The following C5orf47 variants were observed in gnomAD, a reference collection of about 807,000 sequenced individuals.
C5orf47 encodes chromosome 5 open reading frame 47.
A neutral mutation model predicts 20.6 loss-of-function variants in C5orf47; 20 were observed. The ratio of observed to expected loss-of-function variants is 0.97; its 90% CI spans 0.68 to 1.41. The LOEUF (loss-of-function observed/expected upper bound fraction) is 1.41, where lower values mean the gene tolerates loss of function less well. C5orf47 is among the 40% of genes most tolerant of loss of function. C5orf47 has a pLI of 0.00. For synonymous variants in C5orf47, 106 were observed against 97.3 expected, an observed-to-expected ratio of 1.09 and a Z score of -0.53; for missense variants, 262 against 238.4, an observed-to-expected ratio of 1.10 and a Z score of -0.65.
chr5:174,003,159 T>C (rs1759229048), intron 4 of C5orf47, among the ~76,000 whole-genome samples: 1 of 152,106 alleles, frequency 6.6e-6, no homozygotes, highest in Admixed American at 6.6e-5. Flanking sequence ...ATAGAAAGAG[T>C]ATGCAAATAT....
chr5:173,995,305 AAC>A lies in C5orf47; in HGVS notation c.326-2847_326-2846del, dbSNP rs1455784787. Reference sequence around the variant, plus strand: ...TTAATTAATGAATAATGGAAATATAAACTAGTAGATATGAGTGTTGTAAGAGT... The same window carrying A: ...TTAATTAATGAATAATGGAAATATAATAGTAGATATGAGTGTTGTAAGAGT... On this transcript the variant is annotated intron_variant, in intron 1 of 4. Transcript: ENST00000340147. Among the ~76,000 whole-genome samples the A allele has an allele frequency of 2.6e-4, 39 of 152,312 alleles. 1 individual carries two copies. Among genetic ancestry groups the A allele is most frequent in the African/African-American group, 9.1e-4 (38 of 41,574 alleles).
intron 1 of C5orf47, among the ~76,000 whole-genome samples, chr5:173,990,173 T>C (rs1357928508): frequency 6.7e-6 from 1 of 150,162 alleles, no homozygotes; most frequent in East Asian, 2.0e-4. Context: ...TCACTCAGGC[T>C]GGAGTGTGGT....
At chr5:173,989,630 G>T in intron 1 of C5orf47, 42 bp downstream of exon 1, 1 of 1,359,928 alleles carries the variant, frequency 7.4e-7, no homozygotes, top group Non-Finnish European at 9.5e-7. Flanking sequence ...CGGCGGGGCG[G>T]GACGGGGCGG....
intron 1 of C5orf47, among the ~76,000 whole-genome samples, chr5:173,995,036 C>T (rs1002344338): frequency 6.6e-6 from 1 of 152,172 alleles, no homozygotes; most frequent in African/African-American, 2.4e-5. Flanking sequence ...TGGTCTTGAA[C>T]TCCTGAGCTC....
At chr5:174,008,062 G>T (rs1168155456), downstream of C5orf47, among the ~76,000 whole-genome samples, 1 of 152,170 alleles carries the variant, frequency 6.6e-6, no homozygotes, top group African/African-American at 2.4e-5. Context: ...TCAGGGACCT[G>T]CCTGGATTTT....
At chr5:174,007,133 A>G (rs933745769), downstream of C5orf47, among the ~76,000 whole-genome samples, 32 of 152,212 alleles carry the variant, frequency 2.1e-4, no homozygotes, top group African/African-American at 7.2e-4. Flanking sequence ...GAATTGATAT[A>G]CCTGGCAGTT....
intron 1 of C5orf47, among the ~76,000 whole-genome samples, chr5:173,997,239 GAT>G (rs1230065506): frequency 1.3e-5 from 2 of 152,158 alleles, no homozygotes; most frequent in African/African-American, 4.8e-5. Context: ...GAAAGTGAGA[GAT>G]AGAGTGGTGG....
chr5:173,994,129 T>G (rs1157357125), intron 1 of C5orf47, among the ~76,000 whole-genome samples: 4 of 152,186 alleles, frequency 2.6e-5, no homozygotes. Flanking sequence ...TGTGGCCCAA[T>G]TTGTGCAACT....
In C5orf47 at chr5:173,989,309, G is replaced by T; in HGVS notation, c.46G>T (p.Val16Phe). ...RGREQDSARF[V>F]YVTRFGSHQC... ...TCGGGAGCAGGACTCGGCGCGCTTC[G>T]TCTATGTGACGCGCTTCGGCTCGCA... is the stretch of plus-strand genomic sequence containing the variant. The change falls in exon 1 of 5, where the codon GTC (valine) becomes TTC (phenylalanine). Residue 16 changes from valine (V) to phenylalanine (F), a missense_variant. By Grantham distance (50) the Val-to-Phe change is conservative. Transcript: ENST00000340147. The T allele has an allele frequency of 7.1e-7, 1 of 1,408,456 alleles. No individual in the cohort carries two copies. The highest frequency in any genetic ancestry group is 9.3e-7 in the Non-Finnish European group (1 of 1,075,470). The allele number at this position is 1,408,456 out of a possible 1,614,324, so 87.2% of individuals were successfully genotyped here.
chr5:174,005,451 A>T lies in C5orf47; in HGVS notation c.*1197A>T, dbSNP rs893274526. ...ACAGTGTAGAATTTGTGGTAACATG[A>T]TCTTCTAGTGACTATTTATCAAATC... On this transcript the variant is annotated 3_prime_UTR_variant, in exon 5 of 5. Transcript: ENST00000340147. The T allele has an allele frequency of 1.3e-5, 2 of 152,286 alleles. No homozygotes were observed. The highest frequency in any genetic ancestry group is 2.9e-5 in the Non-Finnish European group (2 of 68,018). The allele number at this position is 152,286 out of a possible 1,614,324, so 9.4% of individuals were successfully genotyped here. A position where few individuals can be genotyped will look rare whatever the true frequency, so the allele number is the denominator to read the frequency against.
At chr5:173,992,074 A>AT (rs1759007204) in intron 1 of C5orf47, among the ~76,000 whole-genome samples, 1 of 152,138 alleles carries the variant, frequency 6.6e-6, no homozygotes, top group South Asian at 2.1e-4. Context: ...GGGTTTCCAA[A>AT]TTCGTTTGCA....
chr5:174,003,782 G>A (rs895170511), intron 4 of C5orf47, among the ~76,000 whole-genome samples: 4 of 152,104 alleles, frequency 2.6e-5, no homozygotes, highest in South Asian at 2.1e-4. Flanking sequence ...CATGAAATTC[G>A]CAGGAAATCA....
chr5:173,997,903 T>C (rs1759126950), intron 1 of C5orf47, among the ~76,000 whole-genome samples: 1 of 152,124 alleles, frequency 6.6e-6, no homozygotes, highest in Admixed American at 6.6e-5. Context: ...GGACTAGCCT[T>C]ACAAACCAGA....
intron 1 of C5orf47, among the ~76,000 whole-genome samples, chr5:173,995,794 GTTATTT>G (rs1759078191): frequency 6.6e-6 from 1 of 152,174 alleles, no homozygotes; most frequent in Non-Finnish European, 1.5e-5. Flanking sequence ...CTTGCAGACT[GTTATTT>G]TTATAGTCAC....
At chr5:174,008,251 A>G (rs1298282641), downstream of C5orf47, among the ~76,000 whole-genome samples, 2 of 152,192 alleles carry the variant, frequency 1.3e-5, no homozygotes, top group Non-Finnish European at 2.9e-5. Context: ...TAGAAGTAAT[A>G]TATTGTTCAT....
chr5:173,999,185 T>A (rs940264233), intron 2 of C5orf47, among the ~76,000 whole-genome samples: 2 of 152,172 alleles, frequency 1.3e-5, no homozygotes, highest in Admixed American at 6.5e-5. Flanking sequence ...AAAGCTAGAA[T>A]TTGAGCCTAG....
chr5:173,998,907 A>G (rs912096472), intron 2 of C5orf47, among the ~76,000 whole-genome samples: 2 of 152,214 alleles, frequency 1.3e-5, no homozygotes, highest in Non-Finnish European at 2.9e-5. Flanking sequence ...AAATAGCATT[A>G]GAGGTTAATA....
chr5:173,990,623 G>GGATGGGGT, intron 1 of C5orf47, among the ~76,000 whole-genome samples: 1 of 152,046 alleles, frequency 6.6e-6, no homozygotes, highest in South Asian at 2.1e-4. Flanking sequence ...TTTTTAGTAG[G>GGATGGGGT]GATGGGGTTT....
chr5:173,999,766 C>T lies in C5orf47; in HGVS notation c.478C>T (p.His160Tyr). The T allele has an allele frequency of 6.5e-7, 1 of 1,535,654 alleles. No homozygotes were observed. The highest frequency in any genetic ancestry group is 2.5e-5 in the East Asian group (1 of 40,694). Residue 160 changes from histidine (H) to tyrosine (Y), a missense_variant, in exon 3 of 5, where the codon CAC (histidine) becomes TAC (tyrosine). Transcript: ENST00000340147. ...GCTTGAAGAAAATGAAAAATATAGA[C>T]ACAGGCTGAAATGCCAAAGGTTATC... Reference protein sequence around the residue: ...RMLEENEKYRHRLKCQRLSSE... With the variant: ...RMLEENEKYRYRLKCQRLSSE...
Sources: allele counts gnomAD v4.1 joint callset (sites outside exome capture counted in the v4.1 genomes callset), GRCh38; gene constraint gnomAD v4.1.1; transcripts MANE v1.5; gene names NCBI Gene and HGNC (gene_info 2026-07-23, HGNC 2026-07-21).